The following MAD1L1 variants were observed in gnomAD, a reference collection of about 807,000 sequenced individuals.
MAD1L1 encodes the protein mitotic arrest deficient 1 like 1.
In MAD1L1, 95 loss-of-function variants were observed where a neutral mutation model predicts 96.9. The ratio of observed to expected loss-of-function variants is 0.98; its 90% CI spans 0.83 to 1.16. MAD1L1 has a LOEUF of 1.16. Ranked by LOEUF, MAD1L1 falls within the 50% of genes most tolerant of loss-of-function variation. The probability of loss-of-function intolerance (pLI) is 0.00; values close to 1 mark genes in which losing one functional copy is unlikely to be tolerated. For synonymous variants in MAD1L1, 473 were observed against 396.6 expected (o/e 1.19, Z -2.29); for missense variants, 1,007 against 954.4 (o/e 1.06, Z -0.73).
intron 11 of MAD1L1, among the ~76,000 whole-genome samples, chr7:2,138,460 A>G (rs1788864918): frequency 6.6e-6 from 1 of 152,248 alleles, no homozygotes. Flanking sequence ...TGAGCACTTC[A>G]GCATGCAGAG....
At chr7:2,139,245 A>C (rs1249412433) in intron 11 of MAD1L1, among the ~76,000 whole-genome samples, 1 of 152,066 alleles carries the variant, frequency 6.6e-6, no homozygotes, top group African/African-American at 2.4e-5. Flanking sequence ...CGACCCCCTG[A>C]GCCAGCAATG....
intron 12 of MAD1L1, among the ~76,000 whole-genome samples, chr7:2,026,947 A>C (rs1029953083): frequency 6.6e-6 from 1 of 152,188 alleles, no homozygotes; most frequent in Non-Finnish European, 1.5e-5. Flanking sequence ...ATAAAGCCAA[A>C]AGATGGTTCC....
intron 15 of MAD1L1, 34 bp from the exon 16 acceptor site, chr7:1,957,753 G>A (rs748123348): frequency 2.2e-5 from 35 of 1,605,374 alleles, no homozygotes; most frequent in Non-Finnish European, 2.7e-5. Context: ...CCAGGTGTCC[G>A]AGGCCAGCCA....
chr7:2,178,176 T>C (rs1381962912), intron 10 of MAD1L1, among the ~76,000 whole-genome samples: 1 of 152,244 alleles, frequency 6.6e-6, no homozygotes, highest in Non-Finnish European at 1.5e-5. Context: ...CAACAATTTG[T>C]TGAACTCAGC....
intron 18 of MAD1L1, among the ~76,000 whole-genome samples, chr7:1,824,668 G>C (rs893222071): frequency 6.6e-5 from 10 of 152,202 alleles, no homozygotes; most frequent in Non-Finnish European, 1.2e-4. Flanking sequence ...GGGCGTGCCT[G>C]GATGGCATCT....
chr7:1,983,993 C>G (rs192805465), intron 14 of MAD1L1, among the ~76,000 whole-genome samples: 1 of 152,114 alleles, frequency 6.6e-6, no homozygotes, highest in Non-Finnish European at 1.5e-5. Flanking sequence ...TCCTTTTGTT[C>G]TCTGACTTCT....
rs75181527 is a variant in MAD1L1 at position 2,175,923 on chromosome 7, T to C, written c.987-26685A>G. Among the ~76,000 whole-genome samples the C allele has an allele frequency of 8.5e-3, 1,289 of 152,338 alleles. 20 individuals are homozygous for C. Among genetic ancestry groups the C allele is most frequent in the African/African-American group, 0.029 (1,212 of 41,574 alleles). On this transcript the variant is annotated intron_variant, in intron 10 of 18. Coordinates refer to ENST00000265854, the MANE Select transcript of MAD1L1 (RefSeq NM_001013836.2). ...TCAAAAATCAGTTACTTTAAAAGGC[T>C]AATAAAGTTGCAGACATCTGAAGAT...
intron 11 of MAD1L1, among the ~76,000 whole-genome samples, chr7:2,078,817 G>C (rs903934691): frequency 1.3e-5 from 2 of 152,160 alleles, no homozygotes; most frequent in Admixed American, 1.3e-4. Flanking sequence ...GAATCTGGGA[G>C]GACAGCGGCA....
In MAD1L1 at chr7:2,103,835, C is replaced by T. The variant is rs1479197885; in HGVS notation, c.1074-34497G>A. ...GAGGGACAGTCTCACAGGTGGTGTC[C>T]GGACTCTGGAGATGGGGTGGGAAAA... is the stretch of plus-strand genomic sequence containing the variant. On this transcript the variant is annotated intron_variant, in intron 11 of 18. Transcript: ENST00000265854. The surrounding 1 kb of genome is among the most constrained non-coding windows in gnomAD (Gnocchi z 4.3). Among the ~76,000 whole-genome samples, 1 of 152,174 alleles carries T rather than the reference C, an allele frequency of 6.6e-6. No individual in the cohort carries two copies. The highest frequency in any genetic ancestry group is 2.4e-5 in the African/African-American group (1 of 41,432).
intron 7 of MAD1L1, 40 bp downstream of exon 7, chr7:2,217,922 C>A (rs1420930473): frequency 1.3e-6 from 2 of 1,555,768 alleles, no homozygotes; most frequent in East Asian, 4.5e-5. Context: ...TCAAGGCCAC[C>A]ACAGGGATGT....
intron 10 of MAD1L1, among the ~76,000 whole-genome samples, chr7:2,161,999 G>A (rs1160158427): frequency 6.9e-6 from 1 of 145,352 alleles, no homozygotes; most frequent in Non-Finnish European, 1.5e-5. Context: ...CCATCCGGGA[G>A]GTGGGGGGCG....
chr7:2,194,228 G>A (rs1325272133), intron 10 of MAD1L1, among the ~76,000 whole-genome samples: 2 of 151,986 alleles, frequency 1.3e-5, no homozygotes, highest in African/African-American at 4.8e-5. Context: ...CCAAAGTGCG[G>A]GGATTACGGG....
chr7:2,190,561 T>A (rs1791670323), intron 10 of MAD1L1, among the ~76,000 whole-genome samples: 1 of 152,184 alleles, frequency 6.6e-6, no homozygotes. Context: ...ACCATACATC[T>A]GACAAAAGAC....
chr7:2,121,058 A>G (rs1299558822), intron 11 of MAD1L1, among the ~76,000 whole-genome samples: 1 of 152,194 alleles, frequency 6.6e-6, no homozygotes, highest in Non-Finnish European at 1.5e-5. Flanking sequence ...GGGCTCCTGC[A>G]GAGGCACACC....
rs894411699 is a variant in MAD1L1 at position 1,968,146 on chromosome 7, C to A, written c.1506-10427G>T. ...GAGGGATTCGCTTCCAAGGAAGAGACTGGAGAAAGTGCAAACAGCTTCGCG... is the reference window on the plus strand; with the variant it reads ...GAGGGATTCGCTTCCAAGGAAGAGAATGGAGAAAGTGCAAACAGCTTCGCG... On this transcript the variant is annotated intron_variant, in intron 15 of 18. Transcript: ENST00000265854. This position sits in a 1 kb window ranked among gnomAD's most constrained non-coding sequence, Gnocchi z 5.6. 6.6e-6 allele frequency among the ~76,000 whole-genome samples: 1 copy of A among 152,250 alleles called. No homozygotes were observed. The highest frequency in any genetic ancestry group is 1.5e-5 in the Non-Finnish European group (1 of 68,038).
At chr7:1,920,695 A>T (rs1413027051) in intron 17 of MAD1L1, among the ~76,000 whole-genome samples, 1 of 152,156 alleles carries the variant, frequency 6.6e-6, no homozygotes, top group African/African-American at 2.4e-5. Context: ...AAACAGTGAG[A>T]AGAGAGGACA....
At chr7:2,217,863 G>T in intron 7 of MAD1L1, 99 bp downstream of exon 7, 1 of 991,942 alleles carries the variant, frequency 1.0e-6, no homozygotes, top group Non-Finnish European at 1.6e-6. Flanking sequence ...CTCACAGAAG[G>T]ACCACGGAGC....
intron 12 of MAD1L1, among the ~76,000 whole-genome samples, chr7:2,056,399 G>A (rs1441986717): frequency 6.9e-6 from 1 of 144,896 alleles, no homozygotes; most frequent in Non-Finnish European, 1.6e-5. Flanking sequence ...GAGGCCCTCT[G>A]CTCTGCTCTG....
rs573661503 is a variant in MAD1L1 at position 2,096,331 on chromosome 7, T to C, written c.1074-26993A>G. ...CCTCCGGCGCAAAGAGCTGTGGTGC[T>C]GACCCTCTGCGCCTGCACACATCTG... On this transcript the variant is annotated intron_variant, in intron 11 of 18. Transcript: ENST00000265854. 2.6e-5 allele frequency among the ~76,000 whole-genome samples: 4 copies of C among 152,326 alleles called. No homozygotes were observed. The South Asian group carries it at 8.3e-4, about 32-fold the overall frequency.
Sources: gnomAD v4.1 joint callset for allele counts (sites outside exome capture counted in the v4.1 genomes callset) on GRCh38, gnomAD v4.1.1 for gene constraint, Gnocchi (gnomAD v3.1) non-coding constraint, MANE v1.5 for transcripts, NCBI Gene and HGNC (gene_info 2026-07-23, HGNC 2026-07-21) for gene names.